Variants in IL1RAPL2 observed in about 807,000 individuals in gnomAD.
IL1RAPL2 encodes interleukin 1 receptor accessory protein like 2.
Under a neutral mutation model 44.1 loss-of-function variants are expected in IL1RAPL2, and 3 were observed. The ratio of observed to expected loss-of-function variants is 0.07; its 90% CI spans 0.03 to 0.18. The LOEUF (loss-of-function observed/expected upper bound fraction) is 0.18. Ranked by LOEUF, IL1RAPL2 falls within the 10% of genes least tolerant of loss-of-function variation. The probability of loss-of-function intolerance (pLI) is 1.00; values close to 1 mark genes in which losing one functional copy is unlikely to be tolerated. For synonymous variants in IL1RAPL2, 181 were observed against 178.8 expected, an observed-to-expected ratio of 1.01 and a Z score of -0.10; for missense variants, 391 against 496.4, an observed-to-expected ratio of 0.79 and a Z score of 2.02.
At chrX:104,962,193 A>G (rs1196738327) in intron 2 of IL1RAPL2, among the ~76,000 whole-genome samples, 1 of 112,128 alleles carries the variant, frequency 8.9e-6, no homozygotes, top group Non-Finnish European at 1.9e-5. Context: ...AAACATTGAC[A>G]TAGTTAAGTC....
At chrX:105,541,358 T>C in intron 6 of IL1RAPL2, among the ~76,000 whole-genome samples, 1 of 110,759 alleles carries the variant, frequency 9.0e-6, no homozygotes, top group African/African-American at 3.3e-5. Context: ...GTTAGATTTG[T>C]ATATTTGGAG....
chrX:105,406,518 A>G, intron 5 of IL1RAPL2: 1 of 1,197,547 alleles, frequency 8.4e-7, no homozygotes. Flanking sequence ...AGCAACTCCA[A>G]CCAAGTCAGA....
chrX:104,927,784 A>C (rs1185625693), intron 2 of IL1RAPL2, among the ~76,000 whole-genome samples: 1 of 111,747 alleles, frequency 8.9e-6, no homozygotes. Flanking sequence ...ATGCATTTTG[A>C]TCAGCCAGTG....
chrX:104,666,763 A>T (rs984078253), intron 2 of IL1RAPL2, among the ~76,000 whole-genome samples: 2 of 111,377 alleles, frequency 1.8e-5, no homozygotes, highest in African/African-American at 6.5e-5. Flanking sequence ...ATTTGCCCTA[A>T]ACGAAGTATG....
intron 5 of IL1RAPL2, among the ~76,000 whole-genome samples, chrX:105,408,619 AT>A (rs755369544): frequency 8.9e-6 from 1 of 112,002 alleles, no homozygotes; most frequent in East Asian, 2.8e-4. Context: ...TTGCTTTGTT[AT>A]TTTTACCAAG....
At chrX:104,863,990 G>A (rs1442913323) in intron 2 of IL1RAPL2, among the ~76,000 whole-genome samples, 1 of 111,934 alleles carries the variant, frequency 8.9e-6, no homozygotes, top group Non-Finnish European at 1.9e-5. Context: ...TTCATGAATA[G>A]TATAAGACTT....
chrX:104,572,715 C>T (rs1928169779), intron 1 of IL1RAPL2, among the ~76,000 whole-genome samples: 1 of 111,264 alleles, frequency 9.0e-6, no homozygotes, highest in African/African-American at 3.3e-5. Flanking sequence ...TCACCTCAGC[C>T]TCCCGCCCCC....
At chrX:104,693,532 G>A (rs1931129641) in intron 2 of IL1RAPL2, among the ~76,000 whole-genome samples, 1 of 111,602 alleles carries the variant, frequency 9.0e-6, no homozygotes, top group African/African-American at 3.3e-5. Context: ...CTGCATGATG[G>A]GTCACCTTCA....
chrX:105,401,104 G>A (rs1047898639), intron 5 of IL1RAPL2, among the ~76,000 whole-genome samples: 2 of 111,393 alleles, frequency 1.8e-5, no homozygotes, highest in Non-Finnish European at 1.9e-5. Context: ...TTATAATGGC[G>A]TTAATCTCAC....
At chrX:105,456,647 G>C (rs748196833) in intron 5 of IL1RAPL2, among the ~76,000 whole-genome samples, 2 of 110,736 alleles carry the variant, frequency 1.8e-5, no homozygotes, top group Non-Finnish European at 3.8e-5. Context: ...TAAGACCTTG[G>C]ATTATTGATT....
At position 105,430,397 on chromosome X, in the gene IL1RAPL2, T is replaced by C. The variant is rs142385065; in HGVS notation, c.698-53916T>C. ...GAGTTGTCATGTGAGATAAAAATTA[T>C]GTGTCATCCCTTAATAAGCTAGCCT... On this transcript the variant is annotated intron_variant, in intron 5 of 10. Coordinates refer to ENST00000372582, the MANE Select transcript of IL1RAPL2 (RefSeq NM_017416.2). Among the ~76,000 whole-genome samples the C allele has an allele frequency of 4.7e-3, 520 of 111,807 alleles. 4 individuals are homozygous for C. The highest frequency in any genetic ancestry group is 0.016 in the African/African-American group (499 of 30,870).
At chrX:105,019,501 A>G (rs929861895) in intron 2 of IL1RAPL2, among the ~76,000 whole-genome samples, 5 of 111,724 alleles carry the variant, frequency 4.5e-5, no homozygotes, top group Non-Finnish European at 9.4e-5. Context: ...TATGAGAGAA[A>G]TATCCAACCC....
chrX:105,373,883 C>T (rs2035364112), intron 5 of IL1RAPL2, among the ~76,000 whole-genome samples: 1 of 109,988 alleles, frequency 9.1e-6, no homozygotes, highest in South Asian at 4.0e-4. Context: ...CATTGGGAGG[C>T]TGAGGTGGGC....
intron 2 of IL1RAPL2, among the ~76,000 whole-genome samples, chrX:105,077,422 C>G (rs764179116): frequency 2.7e-5 from 3 of 112,169 alleles, no homozygotes; most frequent in African/African-American, 9.7e-5. Context: ...AGCTGTTAGT[C>G]TGATGGGCTT....
chrX:105,265,374 C>T lies in IL1RAPL2; in HGVS notation c.544-2014C>T, dbSNP rs1395552132. Among the ~76,000 whole-genome samples the T allele has an allele frequency of 4.5e-5, 5 of 111,978 alleles. No homozygotes were observed. The East Asian group carries it at 8.4e-4, about 19-fold the overall frequency. On this transcript the variant is annotated intron_variant, in intron 4 of 10. Transcript: ENST00000372582. ...ATAATTGTGGATTATTATTGTATGACGGCAGTGGCAGCTGGGCTGTTTCTT... is the reference window on the plus strand; with the variant it reads ...ATAATTGTGGATTATTATTGTATGATGGCAGTGGCAGCTGGGCTGTTTCTT...
In IL1RAPL2 at chrX:104,886,863, G is replaced by A. The variant is rs1479830947; in HGVS notation, c.82+227868G>A. ...GGATCTAGGCCACTTCTCAAGTCCA[G>A]GCACTCTGGCCCTTCAGTATGTGGA... On this transcript the variant is annotated intron_variant, in intron 2 of 10. Coordinates refer to ENST00000372582, the MANE Select transcript of IL1RAPL2 (RefSeq NM_017416.2). 1.8e-5 allele frequency among the ~76,000 whole-genome samples: 2 copies of A among 112,068 alleles called. 1 individual carries two copies. The highest frequency in any genetic ancestry group is 3.8e-5 in the Non-Finnish European group (2 of 53,271).
At chrX:105,448,180 C>T (rs1366298868) in intron 5 of IL1RAPL2, among the ~76,000 whole-genome samples, 3 of 107,512 alleles carry the variant, frequency 2.8e-5, no homozygotes, top group Non-Finnish European at 5.7e-5. Flanking sequence ...TTATCCTTTA[C>T]TTTTGGGAGT....
At chrX:105,606,427 A>C (rs2037292973) in intron 6 of IL1RAPL2, among the ~76,000 whole-genome samples, 1 of 111,930 alleles carries the variant, frequency 8.9e-6, no homozygotes, top group Admixed American at 9.5e-5. Flanking sequence ...GATGTGGAGA[A>C]AAAGGAACAC....
At chrX:105,076,406 G>C (rs2032303000) in intron 2 of IL1RAPL2, among the ~76,000 whole-genome samples, 1 of 111,937 alleles carries the variant, frequency 8.9e-6, no homozygotes, top group Non-Finnish European at 1.9e-5. Context: ...TGGTCTGAGA[G>C]ACAGTTTGTT....
Sources: gnomAD v4.1 joint callset for allele counts (sites outside exome capture counted in the v4.1 genomes callset) on GRCh38, gnomAD v4.1.1 for gene constraint, MANE v1.5 for transcripts, NCBI Gene and HGNC (gene_info 2026-07-23, HGNC 2026-07-21) for gene names.